Variants in FRMD4A observed in about 807,000 individuals in gnomAD.
FRMD4A encodes FERM domain-containing protein 4A.
Under a neutral mutation model 129.1 loss-of-function variants are expected in FRMD4A, and 29 were observed. The observed-to-expected ratio is 0.22, with a 90% CI of 0.17 to 0.31. The LOEUF is 0.31. Among genes scored for constraint, FRMD4A ranks in the 10% least tolerant of loss-of-function variants. The probability of loss-of-function intolerance (pLI) is 1.00; values close to 1 mark genes in which losing one functional copy is unlikely to be tolerated. For synonymous variants in FRMD4A, 634 were observed against 571.6 expected (o/e 1.11, Z -1.56); for missense variants, 1,272 against 1,375.8 (o/e 0.92, Z 1.19).
intron 6 of FRMD4A, among the ~76,000 whole-genome samples, chr10:13,780,786 C>T (rs975708010): frequency 6.6e-6 from 1 of 151,896 alleles, no homozygotes; most frequent in Admixed American, 6.6e-5. Context: ...GATGGCTCCT[C>T]AAAAAATGAA....
intron 2 of FRMD4A, among the ~76,000 whole-genome samples, chr10:14,084,739 C>T (rs1487301472): frequency 6.6e-6 from 1 of 152,176 alleles, no homozygotes; most frequent in African/African-American, 2.4e-5. Context: ...ACTAGGACCC[C>T]CCATATAACC....
chr10:14,077,003 A>G (rs3125589), intron 2 of FRMD4A, among the ~76,000 whole-genome samples: 87,460 of 151,934 alleles, frequency 0.58, 26,474 homozygotes, highest in East Asian at 0.84. Context: ...GGAGGCTTAC[A>G]GAGAAGATAG....
At chr10:14,143,124 C>T (rs141286459) in intron 2 of FRMD4A, among the ~76,000 whole-genome samples, 1,986 of 152,288 alleles carry the variant, frequency 0.013, 60 homozygotes, top group African/African-American at 0.046. Context: ...TCAGCAATTC[C>T]ACTTCCGGGC....
Position 13,644,828 on chromosome 10 carries a change from C to T in FRMD4A, c.*2210G>A, listed in dbSNP as rs572393744. ...AAAAAAATCACTGTTCTTTGTAGCT[C>T]TAACCATGAAAGTAAAAGCAACAAA... On this transcript the variant is annotated 3_prime_UTR_variant, in exon 25 of 25. Transcript: ENST00000357447. The T allele has an allele frequency of 1.3e-5, 2 of 152,272 alleles. No homozygotes were observed. Among genetic ancestry groups the T allele is most frequent in the South Asian group, 4.1e-4 (2 of 4,824 alleles). The allele number at this position is 152,272 out of a possible 1,614,324, so 9.4% of individuals were successfully genotyped here.
chr10:14,288,773 G>A (rs1052614694), intron 2 of FRMD4A, among the ~76,000 whole-genome samples: 1 of 151,866 alleles, frequency 6.6e-6, no homozygotes, highest in Non-Finnish European at 1.5e-5. Context: ...AAACAGCAAC[G>A]CCCCATTTCT....
chr10:13,646,969 G>T lies in FRMD4A; in HGVS notation c.*69C>A. On this transcript the variant is annotated 3_prime_UTR_variant, in exon 25 of 25. Transcript: ENST00000357447. ...TCCCGGGCTTGGCTTTTTCCTGCCC[G>T]TACCACTGGACATCAGCTAGTTCTG... is the stretch of plus-strand genomic sequence containing the variant. 1.4e-5 allele frequency: 14 copies of T among 984,082 alleles called. No individual in the cohort carries two copies. Among genetic ancestry groups the T allele is most frequent in the South Asian group, 4.7e-5 (1 of 21,276 alleles). 61.0% of individuals were successfully genotyped at this position (984,082 alleles called of 1,614,324 possible). A position where few individuals can be genotyped will look rare whatever the true frequency, so the allele number is the denominator to read the frequency against.
chr10:13,814,387 G>A (rs11258636), intron 3 of FRMD4A, among the ~76,000 whole-genome samples: 57,172 of 151,290 alleles, frequency 0.38, 10,924 homozygotes, highest in Middle Eastern at 0.45. Flanking sequence ...GCCCAGAGGC[G>A]ATATAGCAAG....
At chr10:13,933,444 AT>A (rs1450860968) in intron 2 of FRMD4A, among the ~76,000 whole-genome samples, 1 of 152,116 alleles carries the variant, frequency 6.6e-6, no homozygotes, top group Admixed American at 6.5e-5. Flanking sequence ...TTTTCAATAA[AT>A]CCCTTCATTC....
intron 5 of FRMD4A, among the ~76,000 whole-genome samples, chr10:13,785,297 G>C (rs1201258655): frequency 6.6e-6 from 1 of 152,112 alleles, no homozygotes; most frequent in Non-Finnish European, 1.5e-5. Flanking sequence ...TATCATCTCA[G>C]GTTCTACAAA....
intron 2 of FRMD4A, among the ~76,000 whole-genome samples, chr10:13,994,115 T>G (rs2095613829): frequency 6.6e-6 from 1 of 151,390 alleles, no homozygotes; most frequent in African/African-American, 2.4e-5. Flanking sequence ...GTTCAGCGAT[T>G]CTGCTGTCTC....
intron 8 of FRMD4A, among the ~76,000 whole-genome samples, chr10:13,750,105 A>T (rs1223674855): frequency 9.8e-5 from 5 of 50,978 alleles, no homozygotes; most frequent in African/African-American, 2.7e-4. Context: ...AGAAAGAAAG[A>T]AATGAAGAAA....
intron 2 of FRMD4A, among the ~76,000 whole-genome samples, chr10:14,031,578 C>T (rs181088130): frequency 1.3e-5 from 2 of 152,312 alleles, no homozygotes; most frequent in Admixed American, 1.3e-4. Context: ...TTTTTAATGG[C>T]TCTTTCCCAT....
At chr10:13,782,675 C>A (rs2092766655) in intron 6 of FRMD4A, among the ~76,000 whole-genome samples, 1 of 152,118 alleles carries the variant, frequency 6.6e-6, no homozygotes, top group Non-Finnish European at 1.5e-5. Context: ...ATCTCTTGAC[C>A]ACGTGATCCA....
chr10:14,190,651 G>T (rs1444600330), intron 2 of FRMD4A, among the ~76,000 whole-genome samples: 2 of 152,222 alleles, frequency 1.3e-5, no homozygotes, highest in Non-Finnish European at 2.9e-5. Context: ...CCCCCAAAGT[G>T]CTGGGATTAC....
chr10:13,818,785 G>A (rs17154061), intron 3 of FRMD4A, among the ~76,000 whole-genome samples: 2,217 of 152,242 alleles, frequency 0.015, 124 homozygotes, highest in East Asian at 0.14. Context: ...GGCATGGAAC[G>A]TTACTTGTAT....
At chr10:14,152,602 C>T (rs1297290082) in intron 2 of FRMD4A, among the ~76,000 whole-genome samples, 16 of 152,212 alleles carry the variant, frequency 1.1e-4, no homozygotes, top group Admixed American at 4.6e-4. Flanking sequence ...AGAGAGAAGC[C>T]GGGCGCGGTG....
intron 2 of FRMD4A, among the ~76,000 whole-genome samples, chr10:14,029,919 G>A (rs1833158161): frequency 6.6e-6 from 1 of 152,096 alleles, no homozygotes; most frequent in Non-Finnish European, 1.5e-5. Context: ...TGGATATCCA[G>A]TTTTTACAAC....
At chr10:13,667,732 C>T (rs78447044) in intron 17 of FRMD4A, 4 of 152,226 alleles carry the variant, frequency 2.6e-5, no homozygotes, top group Non-Finnish European at 4.4e-5. Context: ...TCAGAGCTAG[C>T]TCTAAACAGC....
intron 2 of FRMD4A, among the ~76,000 whole-genome samples, chr10:14,188,256 C>A (rs1018779026): frequency 6.6e-6 from 1 of 152,174 alleles, no homozygotes; most frequent in Non-Finnish European, 1.5e-5. Context: ...CCCCCTGTGC[C>A]AAGGACCCAT....
Sources: allele counts gnomAD v4.1 joint callset (sites outside exome capture counted in the v4.1 genomes callset), GRCh38; gene constraint gnomAD v4.1.1; transcripts MANE v1.5; gene names NCBI Gene and HGNC (gene_info 2026-07-23, HGNC 2026-07-21).